Variants in DIP2B observed in about 807,000 individuals in gnomAD.
DIP2B encodes the protein disco-interacting protein 2 homolog B.
DIP2B carries 76 observed loss-of-function variants against 198.0 expected under a neutral mutation model. That is an observed-to-expected ratio of 0.38 (90% CI 0.32 to 0.46). The LOEUF (loss-of-function observed/expected upper bound fraction) is 0.46, where lower values mean the gene tolerates loss of function less well. Among genes scored for constraint, DIP2B ranks in the 20% least tolerant of loss-of-function variants. The pLI, the probability that DIP2B is intolerant of heterozygous loss-of-function variation, is 0.99. For missense variants in DIP2B, 1,559 were observed against 1,978.4 expected (o/e 0.79, Z 4.02); for synonymous variants, 701 against 739.1 (o/e 0.95, Z 0.84).
At chr12:50,721,799 C>T (rs6580761) in intron 26 of DIP2B, among the ~76,000 whole-genome samples, 90,143 of 152,014 alleles carry the variant, frequency 0.59, 27,737 homozygotes, top group Non-Finnish European at 0.69. Flanking sequence ...GAACATTTTT[C>T]GTATTATGAT....
At chr12:50,569,897 T>G (rs1484670660) in intron 1 of DIP2B, among the ~76,000 whole-genome samples, 1 of 152,226 alleles carries the variant, frequency 6.6e-6, no homozygotes, top group Non-Finnish European at 1.5e-5. Flanking sequence ...ATATTTATTG[T>G]AAAACTAATA....
Position 50,745,445 on chromosome 12 carries a change from G to A in DIP2B, c.*606G>A, listed in dbSNP as rs1263614365. 6.5e-6 allele frequency: 1 copy of A among 152,984 alleles called. No individual in the cohort carries two copies. Among genetic ancestry groups the A allele is most frequent in the Non-Finnish European group, 1.5e-5 (1 of 68,410 alleles). 9.5% of individuals were successfully genotyped at this position (152,984 alleles called of 1,614,324 possible). On this transcript the variant is annotated 3_prime_UTR_variant, in exon 38 of 38. Coordinates refer to ENST00000301180, the MANE Select transcript of DIP2B (RefSeq NM_173602.3). ...AACTAGAGATTTGAAGAATTGGCTT[G>A]TATAGTTATAACAACCACAGTAGAA...
At chr12:50,659,916 C>A (rs572573956) in intron 3 of DIP2B, among the ~76,000 whole-genome samples, 138 of 152,242 alleles carry the variant, frequency 9.1e-4, no homozygotes, top group African/African-American at 3.3e-3. Flanking sequence ...CACCCACCTC[C>A]CCACATCTCT....
At chr12:50,550,506 C>A (rs924103104) in intron 1 of DIP2B, among the ~76,000 whole-genome samples, 8 of 152,116 alleles carry the variant, frequency 5.3e-5, no homozygotes, top group African/African-American at 1.9e-4. Flanking sequence ...GTTCTAGGGT[C>A]CTGAGGGGAA....
chr12:50,566,396 C>T (rs574696166), intron 1 of DIP2B, among the ~76,000 whole-genome samples: 6 of 152,148 alleles, frequency 3.9e-5, no homozygotes, highest in Non-Finnish European at 5.9e-5. Flanking sequence ...TTTTGGCTTC[C>T]GTGATTTCTG....
chr12:50,678,259 A>G (rs1286826405), intron 7 of DIP2B, among the ~76,000 whole-genome samples: 1 of 152,026 alleles, frequency 6.6e-6, no homozygotes, highest in African/African-American at 2.4e-5. Flanking sequence ...GTAAAAAGTC[A>G]ATGTAAACTT....
At chr12:50,571,206 C>G (rs1958610543) in intron 1 of DIP2B, among the ~76,000 whole-genome samples, 1 of 140,146 alleles carries the variant, frequency 7.1e-6, no homozygotes, top group Admixed American at 7.5e-5. Flanking sequence ...GAGTCTTACT[C>G]TGTCACCCAG....
intron 1 of DIP2B, among the ~76,000 whole-genome samples, chr12:50,618,093 C>T (rs532417312): frequency 6.6e-6 from 1 of 152,280 alleles, no homozygotes; most frequent in East Asian, 1.9e-4. Flanking sequence ...TTCTTGTTCT[C>T]ATGAAGGTAA....
intron 1 of DIP2B, among the ~76,000 whole-genome samples, chr12:50,514,257 G>T (rs772463982): frequency 8.6e-5 from 13 of 151,956 alleles, no homozygotes; most frequent in Non-Finnish European, 1.3e-4. Context: ...TAGAGACGGG[G>T]TTTCTCTATG....
intron 21 of DIP2B, 70 bp downstream of exon 21, chr12:50,706,735 C>T: frequency 6.4e-7 from 1 of 1,551,702 alleles, no homozygotes; most frequent in Non-Finnish European, 8.8e-7. Context: ...ATGGTGATTT[C>T]AGTGGTATTT....
At chr12:50,582,567 G>A (rs1958735446) in intron 1 of DIP2B, among the ~76,000 whole-genome samples, 1 of 152,038 alleles carries the variant, frequency 6.6e-6, no homozygotes, top group Non-Finnish European at 1.5e-5. Flanking sequence ...TAGCCCTCTG[G>A]ATTTCTTTTA....
At chr12:50,715,521 C>T (rs1326355274) in intron 23 of DIP2B, among the ~76,000 whole-genome samples, 1 of 152,134 alleles carries the variant, frequency 6.6e-6, no homozygotes, top group Non-Finnish European at 1.5e-5. Flanking sequence ...ATTTCATTGT[C>T]CTAAACAAGT....
chr12:50,508,610 G>A (rs1593561925), intron 1 of DIP2B, among the ~76,000 whole-genome samples: 1 of 152,042 alleles, frequency 6.6e-6, no homozygotes, highest in South Asian at 2.1e-4. Context: ...AATAAGTGTC[G>A]TTATCCTAAG....
intron 3 of DIP2B, among the ~76,000 whole-genome samples, chr12:50,647,255 G>A (rs1938366761): frequency 6.6e-6 from 1 of 151,054 alleles, no homozygotes; most frequent in Non-Finnish European, 1.5e-5. Context: ...TCACCATGTT[G>A]CCTAAGCTGG....
At chr12:50,580,290 T>G (rs1958712638) in intron 1 of DIP2B, among the ~76,000 whole-genome samples, 1 of 148,862 alleles carries the variant, frequency 6.7e-6, no homozygotes, top group Non-Finnish European at 1.5e-5. Flanking sequence ...TCATTCTGAT[T>G]CATTCTAATT....
chr12:50,598,719 T>A (rs1958899708), intron 1 of DIP2B, among the ~76,000 whole-genome samples: 2 of 89,294 alleles, frequency 2.2e-5, no homozygotes, highest in African/African-American at 4.6e-5. Context: ...TGTCTTCAGA[T>A]CCCCTTCCCT....
intron 3 of DIP2B, among the ~76,000 whole-genome samples, chr12:50,658,222 C>T (rs958998867): frequency 1.1e-4 from 17 of 151,022 alleles, no homozygotes; most frequent in African/African-American, 3.9e-4. Context: ...CTGCAACCTC[C>T]GCCTGCTGGG....
chr12:50,531,088 C>A (rs975347767), intron 1 of DIP2B, among the ~76,000 whole-genome samples: 1 of 152,190 alleles, frequency 6.6e-6, no homozygotes, highest in African/African-American at 2.4e-5. Context: ...CTCTGTCGCC[C>A]AGGCTGGAGT....
intron 2 of DIP2B, among the ~76,000 whole-genome samples, chr12:50,637,060 T>A (rs1458720351): frequency 6.6e-6 from 1 of 152,156 alleles, no homozygotes; most frequent in Non-Finnish European, 1.5e-5. Flanking sequence ...ATCAAGAGGC[T>A]AGATTGATTG....
Sources: gnomAD v4.1 joint callset for allele counts (sites outside exome capture counted in the v4.1 genomes callset) on GRCh38, gnomAD v4.1.1 for gene constraint, MANE v1.5 for transcripts, NCBI Gene and HGNC (gene_info 2026-07-23, HGNC 2026-07-21) for gene names.